Variants in RGS7 observed in about 807,000 individuals in gnomAD.
The protein encoded by RGS7 is regulator of G-protein signaling 7.
RGS7 carries 27 observed loss-of-function variants against 81.1 expected under a neutral mutation model. The ratio of observed to expected loss-of-function variants is 0.33; its 90% CI spans 0.25 to 0.46. RGS7 has a LOEUF of 0.46. Among genes scored for constraint, RGS7 ranks in the 20% least tolerant of loss-of-function variants. The pLI is 1.00. For missense variants in RGS7, 396 were observed against 607.4 expected, an observed-to-expected ratio of 0.65 and a Z score of 3.66; for synonymous variants, 208 against 207.7, an observed-to-expected ratio of 1.00 and a Z score of -0.01.
At chr1:240,893,868 C>T (rs997840365) in intron 6 of RGS7, among the ~76,000 whole-genome samples, 11 of 152,138 alleles carry the variant, frequency 7.2e-5, no homozygotes, top group Admixed American at 2.0e-4. Context: ...ACTTGAACTT[C>T]AAAATTAATC....
At chr1:241,159,267 C>T (rs1438623009) in intron 2 of RGS7, among the ~76,000 whole-genome samples, 1 of 152,126 alleles carries the variant, frequency 6.6e-6, no homozygotes, top group African/African-American at 2.4e-5. Context: ...TTCTACATTA[C>T]ACACCCAATT....
chr1:241,228,698 G>A (rs1481626447), intron 2 of RGS7, among the ~76,000 whole-genome samples: 11 of 152,096 alleles, frequency 7.2e-5, no homozygotes, highest in Admixed American at 6.6e-4. Context: ...GAAGAGTGCT[G>A]GAGTCTGAAG....
At chr1:240,932,633 C>G (rs529516457) in intron 5 of RGS7, among the ~76,000 whole-genome samples, 1 of 150,328 alleles carries the variant, frequency 6.7e-6, no homozygotes, top group South Asian at 2.1e-4. Flanking sequence ...CTCAGCCTCC[C>G]AAGTAGCTGG....
chr1:240,955,712 C>A (rs1479413073), intron 4 of RGS7, among the ~76,000 whole-genome samples: 1 of 152,104 alleles, frequency 6.6e-6, no homozygotes. Flanking sequence ...TATAGACCCA[C>A]AGAGTCAATT....
Position 240,932,985 on chromosome 1 carries a change from G to A in RGS7, c.334-2217C>T, listed in dbSNP as rs1177330136. The stretch of plus-strand genomic sequence containing the variant: ...TGCAAGCTCCGCCTCCCGGGTTCAC[G>A]CCATTCTCCTGCCTCAGCCTCCCGA... On this transcript the variant is annotated intron_variant, in intron 5 of 18. Coordinates refer to ENST00000440928, the MANE Select transcript of RGS7 (RefSeq NM_001364886.1). Among the ~76,000 whole-genome samples the A allele has an allele frequency of 2.0e-4, 27 of 135,084 alleles. 1 individual carries two copies. The highest frequency in any genetic ancestry group is 1.5e-3 in the South Asian group (6 of 4,052). The allele number at this position is 135,084 out of a possible 152,430, so 88.6% of individuals were successfully genotyped here.
intron 2 of RGS7, among the ~76,000 whole-genome samples, chr1:241,124,928 T>C (rs1000675584): frequency 6.6e-6 from 1 of 152,248 alleles, no homozygotes; most frequent in African/African-American, 2.4e-5. Flanking sequence ...AACTTGGTTA[T>C]ATACAGAAGT....
intron 4 of RGS7, among the ~76,000 whole-genome samples, chr1:240,981,802 T>C (rs911989521): frequency 6.6e-6 from 1 of 152,194 alleles, no homozygotes; most frequent in African/African-American, 2.4e-5. Context: ...GCTGCATCTT[T>C]TGATGGTATT....
rs58610723 is a variant in RGS7 at position 241,144,926 on chromosome 1, GGTGTGTGTGTGTGTGT to G, written c.79-46180_79-46165del. Among the ~76,000 whole-genome samples, 22 of 141,904 alleles carry G rather than the reference GGTGTGTGTGTGTGTGT, an allele frequency of 1.6e-4. No homozygotes were observed. Among genetic ancestry groups the G allele is most frequent in the Non-Finnish European group, 3.1e-5 (2 of 65,078 alleles). 93.1% of individuals were successfully genotyped at this position (141,904 alleles called of 152,430 possible). ...TCAGTATGTGTTGGCAGGGCAGGAT[GGTGTGTGTGTGTGTGT>G]GTGTGTGTGTGTGTGTGTGTGTTCG... On this transcript the variant is annotated intron_variant, in intron 2 of 18. Transcript: ENST00000440928. The surrounding 1 kb of genome is among the most constrained non-coding windows in gnomAD (Gnocchi z 4.7).
At chr1:241,194,036 T>C (rs1260135516) in intron 2 of RGS7, among the ~76,000 whole-genome samples, 1 of 152,230 alleles carries the variant, frequency 6.6e-6, no homozygotes, top group African/African-American at 2.4e-5. Flanking sequence ...TCTGCTCTTC[T>C]GTAGAAATCT....
intron 3 of RGS7, among the ~76,000 whole-genome samples, chr1:240,999,389 C>T (rs560588767): frequency 6.6e-6 from 1 of 151,906 alleles, no homozygotes; most frequent in East Asian, 1.9e-4. Context: ...AAAAAAACAA[C>T]CAACCTCATA....
rs1158514403 is a variant in RGS7 at position 241,089,021 on chromosome 1, A to ATCTCTCTC, written c.175+9637_175+9644dup. On this transcript the variant is annotated intron_variant, in intron 3 of 18. Transcript: ENST00000440928. ...AGCCTGGGCCACAGAGCAAGACTCC[A>ATCTCTCTC]TCTCTCTCTCTCTCTCTCTCTCTCT... is the stretch of plus-strand genomic sequence containing the variant. Among the ~76,000 whole-genome samples the ATCTCTCTC allele has an allele frequency of 7.3e-3, 172 of 23,614 alleles. 20 individuals carry two copies. Among genetic ancestry groups the ATCTCTCTC allele is most frequent in the African/African-American group, 0.02 (72 of 3,692 alleles). 15.5% of individuals were successfully genotyped at this position (23,614 alleles called of 152,430 possible). A position where few individuals can be genotyped will look rare whatever the true frequency, so the allele number is the denominator to read the frequency against.
chr1:240,979,575 C>T (rs138749561), intron 4 of RGS7, among the ~76,000 whole-genome samples: 61 of 152,180 alleles, frequency 4.0e-4, no homozygotes, highest in Non-Finnish European at 6.0e-4. Flanking sequence ...TTGAGTTTGA[C>T]GTTTCGGGGA....
intron 3 of RGS7, among the ~76,000 whole-genome samples, chr1:241,085,727 C>G (rs1275685799): frequency 6.6e-6 from 1 of 152,180 alleles, no homozygotes; most frequent in African/African-American, 2.4e-5. Context: ...AGCCACCACA[C>G]CTGGCCTCCC....
intron 2 of RGS7, among the ~76,000 whole-genome samples, chr1:241,312,841 A>C (rs1231701782): frequency 6.8e-6 from 1 of 147,756 alleles, no homozygotes; most frequent in Admixed American, 6.9e-5. Flanking sequence ...AGCTAAGATA[A>C]GCCAAACAGT....
At chr1:241,317,773 A>C (rs143541605) in intron 2 of RGS7, among the ~76,000 whole-genome samples, 170 of 152,358 alleles carry the variant, frequency 1.1e-3, no homozygotes, top group Middle Eastern at 3.4e-3. Flanking sequence ...TTCAGACTTC[A>C]GCTTCTTGGC....
chr1:241,338,161 T>G (rs1299425488), intron 2 of RGS7, among the ~76,000 whole-genome samples: 1 of 152,194 alleles, frequency 6.6e-6, no homozygotes, highest in African/African-American at 2.4e-5. Flanking sequence ...TGTGCTTATT[T>G]GACTCTGTTA....
At chr1:240,927,077 T>C (rs1487506218) in intron 6 of RGS7, among the ~76,000 whole-genome samples, 3 of 152,044 alleles carry the variant, frequency 2.0e-5, no homozygotes, top group Non-Finnish European at 4.4e-5. Context: ...TTTGTTTTGT[T>C]TGTTTGTTTT....
Position 240,806,307 on chromosome 1 carries a change from C to T in RGS7, c.1102G>A (p.Asp368Asn). The change falls in exon 15 of 19, where the codon GAC becomes AAC. Residue 368 changes from aspartate (D) to asparagine (N), a missense_variant. Asp to Asn is a conservative substitution (Grantham distance 23, BLOSUM62 1). Transcript: ENST00000440928. The stretch of plus-strand genomic sequence containing the variant: ...TCTTTAATAGGCCTCTTTTTCAGGT[C>T]CTCCACTGCCAGCCAGAATCTATGC... ...ENLRFWLAVE[D>N]LKKRPIKEVP... The T allele has an allele frequency of 6.2e-7, 1 of 1,613,872 alleles. No individual in the cohort carries two copies. The highest frequency in any genetic ancestry group is 8.5e-7 in the Non-Finnish European group (1 of 1,179,874).
intron 2 of RGS7, among the ~76,000 whole-genome samples, chr1:241,192,886 A>C (rs1316184401): frequency 6.6e-6 from 1 of 152,188 alleles, no homozygotes; most frequent in Admixed American, 6.5e-5. Flanking sequence ...AATCACACAT[A>C]TTATACTGAC....
Sources: allele counts gnomAD v4.1 joint callset (sites outside exome capture counted in the v4.1 genomes callset), GRCh38; gene constraint gnomAD v4.1.1; non-coding constraint Gnocchi (gnomAD v3.1); transcripts MANE v1.5; gene names NCBI Gene and HGNC (gene_info 2026-07-23, HGNC 2026-07-21).